Variants in MINDY4 observed in about 807,000 individuals in gnomAD.
The protein encoded by MINDY4 is MINDY lysine 48 deubiquitinase 4.
MINDY4 carries 68 observed loss-of-function variants against 87.0 expected under a neutral mutation model. The observed-to-expected ratio is 0.78, with a 90% CI of 0.64 to 0.96. MINDY4 has a LOEUF of 0.96. Among genes scored for constraint, MINDY4 ranks in the 40% least tolerant of loss-of-function variants. The pLI, the probability that MINDY4 is intolerant of heterozygous loss-of-function variation, is 0.00. For synonymous variants in MINDY4, 379 were observed against 363.2 expected (o/e 1.04, Z -0.50); for missense variants, 919 against 928.2 (o/e 0.99, Z 0.13).
At chr7:30,835,390 C>G (rs1788827319) in intron 6 of MINDY4, among the ~76,000 whole-genome samples, 1 of 152,220 alleles carries the variant, frequency 6.6e-6, no homozygotes, top group South Asian at 2.1e-4. Context: ...ATTCGGTTAT[C>G]TCTCACTGGG....
At chr7:30,816,876 CAG>C (rs990359303) in intron 5 of MINDY4, among the ~76,000 whole-genome samples, 4 of 152,156 alleles carry the variant, frequency 2.6e-5, no homozygotes, top group South Asian at 4.1e-4. Flanking sequence ...AAAGAAAAGA[CAG>C]AGAGAAAAAA....
intron 1 of MINDY4, among the ~76,000 whole-genome samples, chr7:30,773,033 G>A (rs923824897): frequency 1.3e-5 from 2 of 150,506 alleles, no homozygotes; most frequent in Non-Finnish European, 2.9e-5. Context: ...CCTCTCCCTC[G>A]CATGTTTTAT....
chr7:30,812,676 A>C (rs1186067839), intron 5 of MINDY4, among the ~76,000 whole-genome samples: 1 of 152,222 alleles, frequency 6.6e-6, no homozygotes, highest in African/African-American at 2.4e-5. Context: ...AACAGCTTGC[A>C]CATGTTTTCC....
chr7:30,850,373 G>T, intron 9 of MINDY4, 81 bp from the exon 10 acceptor site: 2 of 1,319,732 alleles, frequency 1.5e-6, no homozygotes, highest in Non-Finnish European at 1.1e-6. Flanking sequence ...GGAGGGGACT[G>T]CCTGACCACA....
intron 7 of MINDY4, 42 bp downstream of exon 7, chr7:30,836,806 G>A (rs772351858): frequency 8.3e-6 from 12 of 1,450,480 alleles, no homozygotes; most frequent in Non-Finnish European, 9.7e-6. Context: ...GTCTTGATTT[G>A]AATGGATATA....
intron 6 of MINDY4, among the ~76,000 whole-genome samples, chr7:30,833,558 C>T (rs1480543562): frequency 6.6e-6 from 1 of 152,156 alleles, no homozygotes; most frequent in African/African-American, 2.4e-5. Flanking sequence ...TCATTCTGCC[C>T]CTAGCCCCTC....
At chr7:30,804,856 G>T (rs534309034) in intron 5 of MINDY4, among the ~76,000 whole-genome samples, 1 of 152,260 alleles carries the variant, frequency 6.6e-6, no homozygotes, top group African/African-American at 2.4e-5. Flanking sequence ...CATTAGCAAG[G>T]ACATAGAGGG....
intron 6 of MINDY4, among the ~76,000 whole-genome samples, 158 bp downstream of exon 6, chr7:30,828,895 T>C (rs73091463): frequency 0.035 from 5,355 of 152,152 alleles, 151 homozygotes; most frequent in Non-Finnish European, 0.056. Flanking sequence ...CTCTCTCTGA[T>C]TGATGTCTTC....
rs1180363159 is a variant in MINDY4 at position 30,892,039 on chromosome 7, C to G, written c.*34C>G. 6.2e-7 allele frequency: 1 copy of G among 1,607,290 alleles called. No homozygotes were observed. The highest frequency in any genetic ancestry group is 8.5e-7 in the Non-Finnish European group (1 of 1,173,766). On this transcript the variant is annotated 3_prime_UTR_variant, in exon 18 of 18. Transcript: ENST00000265299. ...TGTGGGTAAACCCTGTGGTCCACCA[C>G]TCATCACCTCATCACCGAGGATGAC... is the stretch of plus-strand genomic sequence containing the variant.
intron 7 of MINDY4, among the ~76,000 whole-genome samples, chr7:30,838,300 C>T (rs529991613): frequency 1.1e-4 from 17 of 152,116 alleles, no homozygotes; most frequent in East Asian, 1.9e-4. Flanking sequence ...AGAAGACAGC[C>T]GTGAGAAAGT....
chr7:30,781,746 C>T, intron 2 of MINDY4: 3 of 511,332 alleles, frequency 5.9e-6, no homozygotes, highest in Middle Eastern at 5.1e-4. Context: ...TCACCTGCCT[C>T]ATGCGTTGGA....
At chr7:30,772,631 A>G (rs1029460992) in intron 1 of MINDY4, among the ~76,000 whole-genome samples, 19 of 152,070 alleles carry the variant, frequency 1.2e-4, no homozygotes, top group African/African-American at 4.6e-4. Context: ...GTGTCTCTGA[A>G]GTGCACCTGT....
In MINDY4 at chr7:30,852,231, G is replaced by A. The variant is rs748548574; in HGVS notation, c.1563G>A (p.Gln521=). ...RAVVALASRT[Q]QFSPTGKYKA... is the part of the protein sequence containing the mutation. ...TCCTTTTTAGGGCTTCGAGAACACA[G>A]CAGTTCAGTCCAACAGGGAAATACA... The change falls in exon 11 of 18, where the codon CAG becomes CAA. Residue 521 remains glutamine (Q), a synonymous_variant. Transcript: ENST00000265299. 1 of 1,614,030 alleles carries A rather than the reference G, an allele frequency of 6.2e-7. No homozygotes were observed. Among genetic ancestry groups the A allele is most frequent in the Non-Finnish European group, 8.5e-7 (1 of 1,180,024 alleles).
intron 5 of MINDY4, among the ~76,000 whole-genome samples, chr7:30,806,712 C>T (rs10248038): frequency 0.044 from 6,666 of 152,382 alleles, 175 homozygotes; most frequent in Middle Eastern, 0.099. Flanking sequence ...ATGAATTTGC[C>T]TGCCTTGAGG....
intron 4 of MINDY4, 68 bp downstream of exon 4, chr7:30,786,060 C>G: frequency 6.3e-7 from 1 of 1,585,792 alleles, no homozygotes; most frequent in South Asian, 1.2e-5. Flanking sequence ...TTAAGGCACG[C>G]CTGGGTTTAT....
intron 12 of MINDY4, chr7:30,858,975 A>G: frequency 3.0e-6 from 2 of 674,740 alleles, no homozygotes; most frequent in Non-Finnish European, 5.6e-6. Context: ...GGAGCTGGCC[A>G]TGACTGTTGC....
At chr7:30,786,047 G>C in intron 4 of MINDY4, 55 bp downstream of exon 4, 1 of 1,600,328 alleles carries the variant, frequency 6.2e-7, no homozygotes, top group Non-Finnish European at 8.5e-7. Context: ...AACTGGGCTG[G>C]GCTTAAGGCA....
At position 30,783,226 on chromosome 7, in the gene MINDY4, G is replaced by A. The variant is rs188475146; in HGVS notation, c.419+1014G>A. 1.3e-4 allele frequency among the ~76,000 whole-genome samples: 19 copies of A among 151,962 alleles called. No individual in the cohort carries two copies. In the East Asian group the frequency reaches 3.7e-3, roughly 30 times the overall value. On this transcript the variant is annotated intron_variant, in intron 3 of 17. Coordinates refer to ENST00000265299, the MANE Select transcript of MINDY4 (RefSeq NM_032222.3). ...AGGCCACCTATGTGCCTTGACTCTTGGCCCCTTCTTCCATTTTAAAGGACA... is the reference window on the plus strand; with the variant it reads ...AGGCCACCTATGTGCCTTGACTCTTAGCCCCTTCTTCCATTTTAAAGGACA...
At chr7:30,807,426 G>T (rs1426189140) in intron 5 of MINDY4, among the ~76,000 whole-genome samples, 1 of 151,918 alleles carries the variant, frequency 6.6e-6, no homozygotes, top group Non-Finnish European at 1.5e-5. Flanking sequence ...TGGAAGATCA[G>T]ATATCTTTAA....
Sources: gnomAD v4.1 joint callset for allele counts (sites outside exome capture counted in the v4.1 genomes callset) on GRCh38, gnomAD v4.1.1 for gene constraint, MANE v1.5 for transcripts, NCBI Gene and HGNC (gene_info 2026-07-23, HGNC 2026-07-21) for gene names.